Variants in AUTS2 observed in about 807,000 individuals in gnomAD.
AUTS2 encodes the protein activator of transcription and developmental regulator AUTS2.
A neutral mutation model predicts 112.4 loss-of-function variants in AUTS2; 17 were observed. The observed-to-expected ratio is 0.15, with a 90% CI of 0.10 to 0.23. The LOEUF is 0.23. Among genes scored for constraint, AUTS2 ranks in the 10% least tolerant of loss-of-function variants. The pLI is 1.00. For missense variants in AUTS2, 1,510 were observed against 1,701.6 expected (o/e 0.89, Z 1.98); for synonymous variants, 751 against 702.7 (o/e 1.07, Z -1.09).
intron 1 of AUTS2, among the ~76,000 whole-genome samples, chr7:69,877,952 G>T (rs186388741): frequency 4.6e-5 from 7 of 152,206 alleles, no homozygotes; most frequent in East Asian, 1.9e-4. Flanking sequence ...CCATCTTTTG[G>T]TGTAAGCAGC....
chr7:70,763,473 GAGAC>G, intron 7 of AUTS2, 132 bp downstream of exon 7: 1 of 690,674 alleles, frequency 1.4e-6, no homozygotes, highest in Non-Finnish European at 2.4e-6. Context: ...TCTGAGACTA[GAGAC>G]AGGGAATGGG....
intron 1 of AUTS2, among the ~76,000 whole-genome samples, chr7:69,886,813 G>A (rs1264173286): frequency 6.7e-6 from 1 of 148,984 alleles, no homozygotes; most frequent in Non-Finnish European, 1.5e-5. Flanking sequence ...GTGTGTGTCA[G>A]GGTCTCATTC....
At chr7:70,331,234 T>C (rs1790730194) in intron 4 of AUTS2, among the ~76,000 whole-genome samples, 1 of 152,200 alleles carries the variant, frequency 6.6e-6, no homozygotes, top group Admixed American at 6.5e-5. Context: ...GAATTTGTTA[T>C]TGGTCTATTC....
chr7:70,650,950 A>G (rs1395014335), intron 5 of AUTS2, among the ~76,000 whole-genome samples: 11 of 152,228 alleles, frequency 7.2e-5, no homozygotes, highest in African/African-American at 2.4e-5. Context: ...CTGAGGCCCA[A>G]GAGAATGATT....
At chr7:69,744,670 CA>C (rs61451653) in intron 1 of AUTS2, among the ~76,000 whole-genome samples, 20,179 of 103,890 alleles carry the variant, frequency 0.19, 1,381 homozygotes, top group East Asian at 0.26. Flanking sequence ...CCCCACACTA[CA>C]AAAAAAAAAA....
intron 4 of AUTS2, among the ~76,000 whole-genome samples, chr7:70,391,786 TC>T (rs1793873887): frequency 6.6e-6 from 1 of 152,190 alleles, no homozygotes. Flanking sequence ...AAACTTGCAT[TC>T]TCTCTGTTTT....
intron 6 of AUTS2, among the ~76,000 whole-genome samples, chr7:70,714,294 T>C (rs1311545224): frequency 6.6e-6 from 1 of 152,198 alleles, no homozygotes; most frequent in Non-Finnish European, 1.5e-5. Context: ...CACAATTATT[T>C]TTAGGTGATA....
intron 5 of AUTS2, among the ~76,000 whole-genome samples, chr7:70,658,039 C>A (rs976147342): frequency 1.3e-5 from 2 of 152,184 alleles, no homozygotes; most frequent in African/African-American, 4.8e-5. Context: ...CAAGGAAAAC[C>A]GTGTAAGTCA....
At chr7:70,650,854 A>G (rs1806464549) in intron 5 of AUTS2, among the ~76,000 whole-genome samples, 1 of 152,222 alleles carries the variant, frequency 6.6e-6, no homozygotes, top group African/African-American at 2.4e-5. Context: ...TACCCATGAC[A>G]GTTAGACATA....
chr7:70,407,237 A>G (rs368882045), intron 4 of AUTS2, among the ~76,000 whole-genome samples: 3 of 151,424 alleles, frequency 2.0e-5, no homozygotes, highest in Admixed American at 1.3e-4. Context: ...ATAATCAGAT[A>G]GCCAGTATTT....
chr7:69,729,849 T>C (rs1232611013), intron 1 of AUTS2, among the ~76,000 whole-genome samples: 1 of 152,148 alleles, frequency 6.6e-6, no homozygotes, highest in African/African-American at 2.4e-5. Context: ...ACTGGATTTC[T>C]TTCATAACTG....
chr7:70,593,196 T>C (rs1803032800), intron 5 of AUTS2, among the ~76,000 whole-genome samples: 1 of 152,148 alleles, frequency 6.6e-6, no homozygotes, highest in Non-Finnish European at 1.5e-5. Context: ...CACTTTCTCA[T>C]CTACAAAATA....
intron 3 of AUTS2, among the ~76,000 whole-genome samples, chr7:70,122,171 A>G (rs1805715662): frequency 6.6e-6 from 1 of 152,218 alleles, no homozygotes; most frequent in Non-Finnish European, 1.5e-5. Flanking sequence ...AGAACTTACC[A>G]GGAATTTGGG....
intron 2 of AUTS2, among the ~76,000 whole-genome samples, chr7:70,094,646 A>G (rs1415157452): frequency 1.3e-5 from 2 of 152,192 alleles, no homozygotes; most frequent in Admixed American, 1.3e-4. Flanking sequence ...ATTATGATCC[A>G]TAAAGCAGTA....
At chr7:70,304,313 G>A (rs1201477588) in intron 4 of AUTS2, among the ~76,000 whole-genome samples, 3 of 152,198 alleles carry the variant, frequency 2.0e-5, no homozygotes, top group African/African-American at 7.2e-5. Flanking sequence ...ATGAATGATA[G>A]TGTTTACTTG....
intron 1 of AUTS2, among the ~76,000 whole-genome samples, chr7:69,800,302 A>G (rs1249478919): frequency 2.0e-5 from 3 of 152,208 alleles, no homozygotes; most frequent in African/African-American, 7.2e-5. Context: ...AATTAAGGTT[A>G]AACAAAAAAA....
intron 1 of AUTS2, among the ~76,000 whole-genome samples, chr7:69,790,253 T>C (rs1292032602): frequency 6.6e-6 from 1 of 152,202 alleles, no homozygotes; most frequent in Non-Finnish European, 1.5e-5. Context: ...ATTGTACCAC[T>C]GCACTCCAGC....
At chr7:69,925,997 A>C (rs1056497711) in intron 2 of AUTS2, among the ~76,000 whole-genome samples, 1 of 152,204 alleles carries the variant, frequency 6.6e-6, no homozygotes, top group Non-Finnish European at 1.5e-5. Flanking sequence ...TAAAAACAAA[A>C]AACAAAACAC....
rs544438633 is a variant in AUTS2 at position 70,546,648 on chromosome 7, G to A, written c.690+110867G>A. On this transcript the variant is annotated intron_variant, in intron 5 of 18. Transcript: ENST00000342771. ...AAAAAAATTAGCCGGGCATGGTGGCGGGCACCTGTAGTCCCAGCTGCTGGG... is the reference window on the plus strand; with the variant it reads ...AAAAAAATTAGCCGGGCATGGTGGCAGGCACCTGTAGTCCCAGCTGCTGGG... 6.0e-5 allele frequency among the ~76,000 whole-genome samples: 9 copies of A among 150,758 alleles called. No homozygotes were observed. The South Asian group carries it at 6.3e-4, about 11-fold the overall frequency.
Sources: allele counts gnomAD v4.1 joint callset (sites outside exome capture counted in the v4.1 genomes callset), GRCh38; gene constraint gnomAD v4.1.1; transcripts MANE v1.5; gene names NCBI Gene and HGNC (gene_info 2026-07-23, HGNC 2026-07-21).